The following CATSPERG variants were observed in gnomAD, a reference collection of about 807,000 sequenced individuals.
CATSPERG encodes catsper channel auxiliary subunit gamma, also known as cation channel sperm-associated auxiliary subunit gamma.
A neutral mutation model predicts 145.0 loss-of-function variants in CATSPERG; 115 were observed. That is an observed-to-expected ratio of 0.79 (90% confidence interval 0.68 to 0.93). CATSPERG has a LOEUF of 0.93. Ranked by LOEUF, CATSPERG falls within the 40% of genes least tolerant of loss-of-function variation. CATSPERG has a pLI of 0.00. For missense variants in CATSPERG, 1,296 were observed against 1,490.1 expected (o/e 0.87, Z 2.14); for synonymous variants, 588 against 589.0 (o/e 1.00, Z 0.02).
intron 3 of CATSPERG, among the ~76,000 whole-genome samples, chr19:38,342,100 G>T (rs1048256921): frequency 6.8e-5 from 10 of 146,548 alleles, no homozygotes; most frequent in Non-Finnish European, 1.3e-4. Flanking sequence ...AAAAAGCCAG[G>T]TGCAGTGGCT....
intron 11 of CATSPERG, chr19:38,358,036 T>C: frequency 2.0e-6 from 1 of 511,238 alleles, no homozygotes; most frequent in Non-Finnish European, 3.5e-6. Context: ...GAGGATCACT[T>C]GAACCGAGGA....
chr19:38,367,434 T>C, intron 23 of CATSPERG, 75 bp from the exon 24 acceptor site: 3 of 1,564,500 alleles, frequency 1.9e-6, no homozygotes. Flanking sequence ...CATCTCACTT[T>C]CCCCCGTCTC....
intron 16 of CATSPERG, among the ~76,000 whole-genome samples, 200 bp from the exon 17 acceptor site, chr19:38,361,448 A>G (rs1041998945): frequency 1.3e-4 from 20 of 150,940 alleles, no homozygotes; most frequent in African/African-American, 4.4e-4. Flanking sequence ...AGTAGGGAGG[A>G]CTCTGGTCTC....
At chr19:38,352,545 G>A (rs1189535670) in intron 8 of CATSPERG, 113 bp downstream of exon 8, 1 of 1,057,890 alleles carries the variant, frequency 9.5e-7, no homozygotes, top group Non-Finnish European at 1.4e-6. Context: ...GAAGGAACTT[G>A]CCAAGGCCCC....
In CATSPERG at chr19:38,343,694, C is replaced by G; in HGVS notation, c.439C>G (p.Gln147Glu). The change falls in exon 4 of 29, where the codon CAG (glutamine) becomes GAG (glutamate). Residue 147 changes from glutamine (Q) to glutamate (E), a missense_variant. Transcript: ENST00000409235. ...CTGGAAGATAGAGCAGCTGCAGATC[C>G]AGATGGAGGCTGCCCCCTTCCGCAG... ...YRWKIEQLQI[Q>E]MEAAPFRSKE... is the part of the protein sequence containing the mutation. 1 of 1,551,118 alleles carries G rather than the reference C, an allele frequency of 6.4e-7. No individual in the cohort carries two copies. Among genetic ancestry groups the G allele is most frequent in the African/African-American group, 1.4e-5 (1 of 73,140 alleles).
At chr19:38,367,897 G>A (rs1970482283) in intron 25 of CATSPERG, 121 bp downstream of exon 25, 18 of 1,175,726 alleles carry the variant, frequency 1.5e-5, no homozygotes, top group Non-Finnish European at 2.1e-5. Flanking sequence ...CCCACAGTGG[G>A]GCTCTTAGGA....
Position 38,368,035 on chromosome 19 carries a change from T to C in CATSPERG, c.2931-13T>C. On this transcript the variant is annotated splice_polypyrimidine_tract_variant and intron_variant, in intron 25 of 28. Coordinates refer to ENST00000409235, the MANE Select transcript of CATSPERG (RefSeq NM_021185.5). ...CCCCCAACCCCTGGCTGAGATGACC[T>C]GGGCCTGCACAGGACCAACAGCCTT... 3.1e-6 allele frequency: 5 copies of C among 1,613,600 alleles called. No individual in the cohort carries two copies. Among genetic ancestry groups the C allele is most frequent in the Non-Finnish European group, 4.2e-6 (5 of 1,179,574 alleles).
rs193036151 is a variant in CATSPERG at position 38,346,459 on chromosome 19, C to G, written c.679C>G (p.Leu227Val). Residue 227 changes from leucine to valine, a missense_variant, in exon 7 of 29, where the codon CTG (leucine) becomes GTG (valine). Leu to Val is a conservative substitution (Grantham distance 32, BLOSUM62 1). Transcript: ENST00000409235. ...TGTCCCTCCTTGGCAGCTCTTCAAC[C>G]TGATGCCCCAGTACTTTGTGGGTGT... ...QFTVGEELFN[L>V]MPQYFVGVSS... 1.9e-6 allele frequency: 3 copies of G among 1,540,272 alleles called. No individual in the cohort carries two copies. In the African/African-American group the frequency reaches 4.1e-5, roughly 21 times the overall value.
At chr19:38,339,822 C>T (rs190236712) in intron 3 of CATSPERG, among the ~76,000 whole-genome samples, 109 of 151,598 alleles carry the variant, frequency 7.2e-4, no homozygotes, top group Middle Eastern at 3.4e-3. Context: ...TTTACACGTG[C>T]ATATCCAGTT....
chr19:38,354,883 C>T (rs1421131323), intron 9 of CATSPERG, 36 bp downstream of exon 9: 5 of 1,597,552 alleles, frequency 3.1e-6, no homozygotes, highest in Non-Finnish European at 4.3e-6. Flanking sequence ...CCAGGGACCC[C>T]TCCATACCCT....
chr19:38,350,566 A>T (rs149038554), intron 7 of CATSPERG, among the ~76,000 whole-genome samples: 1 of 152,010 alleles, frequency 6.6e-6, no homozygotes. Flanking sequence ...TTTAGTAGAG[A>T]TGGGATTTCA....
chr19:38,355,276 T>C (rs557456102), intron 9 of CATSPERG, among the ~76,000 whole-genome samples: 1 of 152,012 alleles, frequency 6.6e-6, no homozygotes, highest in Admixed American at 6.5e-5. Context: ...ACCCAGGAGA[T>C]GAAGGTTGCA....
At chr19:38,360,928 C>G (rs919574357) in intron 16 of CATSPERG, 85 bp downstream of exon 16, 15 of 1,146,494 alleles carry the variant, frequency 1.3e-5, no homozygotes, top group Non-Finnish European at 1.9e-5. Context: ...GAGGGGAGAC[C>G]GAGCTAACCC....
chr19:38,352,465 G>C, intron 8 of CATSPERG, 33 bp downstream of exon 8: 1 of 1,549,534 alleles, frequency 6.5e-7, no homozygotes, highest in Non-Finnish European at 8.7e-7. Context: ...CACGCCTGGG[G>C]AGGGCACCCT....
At chr19:38,352,152 A>T in intron 7 of CATSPERG, 109 bp from the exon 8 acceptor site, 2 of 1,104,066 alleles carry the variant, frequency 1.8e-6, no homozygotes, top group Non-Finnish European at 2.6e-6. Context: ...TGGGGCAGCT[A>T]CATGTGTCCC....
intron 20 of CATSPERG, among the ~76,000 whole-genome samples, chr19:38,363,900 A>G (rs940821536): frequency 2.0e-5 from 3 of 152,192 alleles, no homozygotes; most frequent in Non-Finnish European, 2.9e-5. Flanking sequence ...CGATTTCTCA[A>G]TCTTTTCCCC....
Position 38,362,480 on chromosome 19 carries a change from G to T in CATSPERG, c.2262G>T (p.Leu754=), listed in dbSNP as rs1568381554. ...ACAACCTCGAGTCCGCGTACGAGCT[G>T]CCGGAGCGCATTTTCCTGGACAAGG... is the stretch of plus-strand genomic sequence containing the variant. The part of the protein sequence containing the change: ...KIYNLESAYE[L]PERIFLDKGT... The change falls in exon 19 of 29, where the codon CTG becomes CTT. Residue 754 remains leucine (L), a synonymous_variant. Transcript: ENST00000409235. 6.2e-7 allele frequency: 1 copy of T among 1,613,940 alleles called. No individual in the cohort carries two copies.
chr19:38,353,515 C>A (rs1013720906), intron 8 of CATSPERG, among the ~76,000 whole-genome samples: 7 of 151,626 alleles, frequency 4.6e-5, no homozygotes, highest in Non-Finnish European at 8.8e-5. Flanking sequence ...GGTGAAACCC[C>A]GTCTCTACTA....
At chr19:38,342,928 C>T (rs1408932588) in intron 3 of CATSPERG, among the ~76,000 whole-genome samples, 3 of 152,128 alleles carry the variant, frequency 2.0e-5, no homozygotes, top group Non-Finnish European at 4.4e-5. Context: ...CGTCCTCAGT[C>T]CCTTCCTGTG....
Sources: gnomAD v4.1 joint callset for allele counts (sites outside exome capture counted in the v4.1 genomes callset) on GRCh38, gnomAD v4.1.1 for gene constraint, MANE v1.5 for transcripts, NCBI Gene and HGNC (gene_info 2026-07-23, HGNC 2026-07-21) for gene names.